PXDN: variants seen among roughly 807,000 people sequenced by gnomAD.
PXDN encodes the protein peroxidasin homolog.
Under a neutral mutation model 140.3 loss-of-function variants are expected in PXDN, and 77 were observed. The observed-to-expected ratio is 0.55, with a 90% CI of 0.46 to 0.66. The LOEUF (loss-of-function observed/expected upper bound fraction) is 0.66. Among genes scored for constraint, PXDN ranks in the 30% least tolerant of loss-of-function variants. The pLI is 0.00. For missense variants in PXDN, 1,838 were observed against 2,039.5 expected (o/e 0.90, Z 1.90); for synonymous variants, 911 against 857.4 (o/e 1.06, Z -1.09).
In PXDN at chr2:1,654,527, G is replaced by A. The variant is rs199863461; in HGVS notation, c.1838-19C>T. On this transcript the variant is annotated intron_variant, in intron 14 of 22. Transcript: ENST00000252804. Reference sequence around the variant, plus strand: ...TCAGGAACTAGGAAAATACAAAGTCGCGTATTACCAGGAAAAATACTGCAC... The same window carrying A: ...TCAGGAACTAGGAAAATACAAAGTCACGTATTACCAGGAAAAATACTGCAC... 8.1e-5 allele frequency: 125 copies of A among 1,552,698 alleles called. No individual in the cohort carries two copies. In the African/African-American group the frequency reaches 1.1e-3, roughly 13 times the overall value.
In PXDN at chr2:1,737,212, G is replaced by A. The variant is rs542226486; in HGVS notation, c.200+7044C>T. On this transcript the variant is annotated intron_variant, in intron 1 of 22. Coordinates refer to ENST00000252804, the MANE Select transcript of PXDN (RefSeq NM_012293.3). Reference sequence around the variant, plus strand: ...CAAGGCCCTCAGACGCCCGGAGGACGGCTGCCATTCTTCACCTCGGGCCTC... The same window carrying A: ...CAAGGCCCTCAGACGCCCGGAGGACAGCTGCCATTCTTCACCTCGGGCCTC... Among the ~76,000 whole-genome samples, 20 of 152,286 alleles carry A rather than the reference G, an allele frequency of 1.3e-4. No individual in the cohort carries two copies. The South Asian group carries it at 1.7e-3, about 13-fold the overall frequency.
At chr2:1,688,462 G>A (rs1684110986) in intron 3 of PXDN, among the ~76,000 whole-genome samples, 1 of 152,202 alleles carries the variant, frequency 6.6e-6, no homozygotes, top group Non-Finnish European at 1.5e-5. Flanking sequence ...CAAGCCTGAT[G>A]GAGGATGAAA....
rs1267178974 is a variant in PXDN at position 1,651,061 on chromosome 2, G to C, written c.2105-1386C>G. On this transcript the variant is annotated intron_variant, in intron 16 of 22. Transcript: ENST00000252804. The surrounding 1 kb of genome is among the most constrained non-coding windows in gnomAD (Gnocchi z 4.4). Reference sequence around the variant, plus strand: ...GTCTGTGCAGGGAACATGAACCCCGGGCTCCCCTCAGCCCCTGGTTCTGTT... The same window carrying C: ...GTCTGTGCAGGGAACATGAACCCCGCGCTCCCCTCAGCCCCTGGTTCTGTT... Among the ~76,000 whole-genome samples, 2 of 152,016 alleles carry C rather than the reference G, an allele frequency of 1.3e-5. No individual in the cohort carries two copies. Among genetic ancestry groups the C allele is most frequent in the Non-Finnish European group, 2.9e-5 (2 of 68,022 alleles).
At chr2:1,689,508 C>T (rs112553045) in intron 3 of PXDN, among the ~76,000 whole-genome samples, 7 of 152,142 alleles carry the variant, frequency 4.6e-5, no homozygotes, top group Admixed American at 2.6e-4. Flanking sequence ...ATTGGCTGGC[C>T]GTGGTGGCTC....
intron 11 of PXDN, 21 bp downstream of exon 11, chr2:1,664,937 A>G (rs753537376): frequency 9.6e-6 from 15 of 1,556,126 alleles, no homozygotes; most frequent in Middle Eastern, 3.4e-4. Context: ...GGAGCAGGCA[A>G]AGGGCCGGCC....
intron 7 of PXDN, among the ~76,000 whole-genome samples, chr2:1,677,381 C>A (rs146600769): frequency 5.1e-4 from 78 of 152,326 alleles, no homozygotes; most frequent in African/African-American, 1.8e-3. Context: ...GGATACGCCA[C>A]GGGTCGCTAT....
intron 13 of PXDN, 73 bp downstream of exon 13, chr2:1,661,999 A>G: frequency 7.6e-7 from 1 of 1,317,826 alleles, no homozygotes; most frequent in Non-Finnish European, 1.1e-6. Flanking sequence ...TGCTCCAGGT[A>G]GTGGGTGGTG....
intron 1 of PXDN, among the ~76,000 whole-genome samples, chr2:1,704,941 A>G (rs1036628174): frequency 1.3e-5 from 2 of 152,122 alleles, no homozygotes; most frequent in African/African-American, 2.4e-5. Flanking sequence ...CATGACATTA[A>G]TAAGAGCAGA....
At chr2:1,723,691 G>A (rs1350747561) in intron 1 of PXDN, among the ~76,000 whole-genome samples, 2 of 152,106 alleles carry the variant, frequency 1.3e-5, no homozygotes, top group South Asian at 2.1e-4. Flanking sequence ...TGGATGGATG[G>A]ATGGATGGAT....
At position 1,634,520 on chromosome 2, in the gene PXDN, T is replaced by C. The variant is rs150944296; in HGVS notation, c.4321-197A>G. On this transcript the variant is annotated intron_variant, in intron 22 of 22. Coordinates refer to ENST00000252804, the MANE Select transcript of PXDN (RefSeq NM_012293.3). ...AGGATTTCATAGTTGCAGACAGGTA[T>C]GAGTTAATGGGAGCCCCCATAACAA... 0.012 allele frequency among the ~76,000 whole-genome samples: 1,876 copies of C among 152,296 alleles called. 36 individuals carry two copies. Among genetic ancestry groups the C allele is most frequent in the African/African-American group, 0.043 (1,798 of 41,568 alleles).
Position 1,693,184 on chromosome 2 carries a change from A to T in PXDN, c.201-50T>A, listed in dbSNP as rs1684222708. The T allele has an allele frequency of 2.2e-6, 3 of 1,389,736 alleles. No homozygotes were observed. In the Admixed American group the frequency reaches 6.4e-5, roughly 30 times the overall value. 86.1% of individuals were successfully genotyped at this position (1,389,736 alleles called of 1,614,324 possible). ...ATTACGTGAAAAAAAATCTACAAACATCGCTACACATTTGCTGCTCTTAGT... is the reference window on the plus strand; with the variant it reads ...ATTACGTGAAAAAAAATCTACAAACTTCGCTACACATTTGCTGCTCTTAGT... On this transcript the variant is annotated intron_variant, in intron 1 of 22. Transcript: ENST00000252804.
intron 3 of PXDN, among the ~76,000 whole-genome samples, chr2:1,691,468 G>A (rs939483835): frequency 6.6e-6 from 1 of 152,216 alleles, no homozygotes; most frequent in Non-Finnish European, 1.5e-5. Flanking sequence ...CGGGAGACAG[G>A]AAAATCTGCA....
chr2:1,698,626 A>G (rs940739689), intron 1 of PXDN, among the ~76,000 whole-genome samples: 2 of 152,096 alleles, frequency 1.3e-5, no homozygotes, highest in African/African-American at 4.8e-5. Context: ...ATGCAATTAG[A>G]GTCGGCCCAG....
At position 1,660,236 on chromosome 2, in the gene PXDN, T is replaced by C. The variant is rs1683271008; in HGVS notation, c.1837+645A>G. Among the ~76,000 whole-genome samples, 1 of 151,822 alleles carries C rather than the reference T, an allele frequency of 6.6e-6. No homozygotes were observed. The highest frequency in any genetic ancestry group is 2.4e-5 in the African/African-American group (1 of 41,308). The stretch of plus-strand genomic sequence containing the variant: ...TCATGGGCATCATGGGGTCTGTGGG[T>C]TGAGAAAGAGGGGCCAGAGTGACCC... On this transcript the variant is annotated intron_variant, in intron 14 of 22. Transcript: ENST00000252804. The surrounding 1 kb of genome is among the most constrained non-coding windows in gnomAD (Gnocchi z 4.6).
chr2:1,737,989 T>C (rs986973944), intron 1 of PXDN, among the ~76,000 whole-genome samples: 2 of 152,222 alleles, frequency 1.3e-5, no homozygotes, highest in South Asian at 4.1e-4. Flanking sequence ...CTAAGTCACA[T>C]GCAGGTGGTC....
chr2:1,699,992 T>C (rs1684385914), intron 1 of PXDN, among the ~76,000 whole-genome samples: 1 of 152,196 alleles, frequency 6.6e-6, no homozygotes, highest in South Asian at 2.1e-4. Flanking sequence ...AGCTATGCAT[T>C]GCAGAGGTGA....
intron 1 of PXDN, among the ~76,000 whole-genome samples, chr2:1,741,418 A>G (rs1306073494): frequency 6.6e-6 from 1 of 152,114 alleles, no homozygotes; most frequent in East Asian, 1.9e-4. Flanking sequence ...CCGCCGACCG[A>G]GCAGCACAGG....
chr2:1,637,324 G>A (rs749438663), intron 21 of PXDN, among the ~76,000 whole-genome samples: 1 of 152,254 alleles, frequency 6.6e-6, no homozygotes, highest in Non-Finnish European at 1.5e-5. Context: ...AACACTGCAT[G>A]CTGTCCACTT....
chr2:1,701,728 T>A (rs187279911), intron 1 of PXDN, among the ~76,000 whole-genome samples: 1 of 152,038 alleles, frequency 6.6e-6, no homozygotes, highest in African/African-American at 2.4e-5. Flanking sequence ...CCCGTCAAAT[T>A]TGTGCTAAGA....
Sources: allele counts gnomAD v4.1 joint callset (sites outside exome capture counted in the v4.1 genomes callset), GRCh38; gene constraint gnomAD v4.1.1; non-coding constraint Gnocchi (gnomAD v3.1); transcripts MANE v1.5; gene names NCBI Gene and HGNC (gene_info 2026-07-23, HGNC 2026-07-21).